Variants in USP47 observed in about 807,000 individuals in gnomAD.
USP47 encodes ubiquitin carboxyl-terminal hydrolase 47.
A neutral mutation model predicts 165.1 loss-of-function variants in USP47; 35 were observed. The observed-to-expected ratio is 0.21, with a 90% confidence interval of 0.16 to 0.28. The LOEUF is 0.28. Ranked by LOEUF, USP47 falls within the 10% of genes least tolerant of loss-of-function variation. USP47 has a pLI of 1.00. For missense variants in USP47, 1,277 were observed against 1,607.4 expected, an observed-to-expected ratio of 0.79 and a Z score of 3.52; for synonymous variants, 531 against 544.5, an observed-to-expected ratio of 0.98 and a Z score of 0.35.
chr11:11,950,304 C>T, intron 23 of USP47, 60 bp from the exon 24 acceptor site: 1 of 1,187,324 alleles, frequency 8.4e-7, no homozygotes, highest in Non-Finnish European at 1.2e-6. Context: ...AGATTAGTGT[C>T]AATCTTTAAA....
rs778577084 is a variant in USP47, at chr11:11,902,811, A to G, written c.690A>G (p.Ala230=). ...TGTTACAAACCAGCAAAAAGAGAGC[A>G]ATTGAAACCACAGATGTTACAAGGA... is the stretch of plus-strand genomic sequence containing the variant. ...FVLLQTSKKR[A]IETTDVTRSF... Residue 230 remains alanine (A), a synonymous_variant, in exon 6 of 28, where the codon GCA becomes GCG. Coordinates refer to ENST00000527733, the MANE Select transcript of USP47 (RefSeq NM_001282659.2). 13 of 1,603,780 alleles carry G rather than the reference A, an allele frequency of 8.1e-6. No individual in the cohort carries two copies. The highest frequency in any genetic ancestry group is 3.4e-5 in the Admixed American group (2 of 59,288).
At chr11:11,911,947 C>T (rs1853026742) in intron 8 of USP47, among the ~76,000 whole-genome samples, 1 of 151,778 alleles carries the variant, frequency 6.6e-6, no homozygotes, top group Admixed American at 6.6e-5. Flanking sequence ...TATCACAAAA[C>T]ACTTGGGAAA....
At chr11:11,921,699 A>G (rs1031266960) in intron 10 of USP47, among the ~76,000 whole-genome samples, 2 of 151,894 alleles carry the variant, frequency 1.3e-5, no homozygotes, top group African/African-American at 2.4e-5. Context: ...TATGCCTAAT[A>G]TATTTCTCAT....
chr11:11,868,035 G>A (rs1259953444), intron 1 of USP47, among the ~76,000 whole-genome samples: 1 of 152,114 alleles, frequency 6.6e-6, no homozygotes, highest in East Asian at 1.9e-4. Flanking sequence ...GGAAGGAGAG[G>A]TTGAAAAATA....
At chr11:11,873,747 C>A in intron 1 of USP47, 1 of 1,098,424 alleles carries the variant, frequency 9.1e-7, no homozygotes, top group Non-Finnish European at 1.2e-6. Flanking sequence ...ACTGTCTTTT[C>A]CCTTTATTTT....
At chr11:11,889,141 A>G (rs1851354086) in intron 3 of USP47, among the ~76,000 whole-genome samples, 1 of 152,188 alleles carries the variant, frequency 6.6e-6, no homozygotes, top group Admixed American at 6.5e-5. Flanking sequence ...AAACTGGCAC[A>G]AAATGAGAAT....
intron 1 of USP47, among the ~76,000 whole-genome samples, chr11:11,872,511 G>T (rs1043620862): frequency 1.3e-5 from 2 of 152,180 alleles, no homozygotes; most frequent in African/African-American, 4.8e-5. Flanking sequence ...CCCCACAGCA[G>T]TGATACTTGA....
At chr11:11,893,469 C>T (rs1186671063) in intron 4 of USP47, among the ~76,000 whole-genome samples, 1 of 152,102 alleles carries the variant, frequency 6.6e-6, no homozygotes, top group Non-Finnish European at 1.5e-5. Flanking sequence ...TAGAGTCTTG[C>T]TTTGTCACCC....
intron 3 of USP47, 136 bp downstream of exon 3, chr11:11,884,716 G>T: frequency 1.6e-6 from 1 of 629,558 alleles, no homozygotes. Flanking sequence ...TTTTATGTTG[G>T]TTTGTTATAA....
chr11:11,884,396 A>C (rs1194185474), intron 2 of USP47, 71 bp from the exon 3 acceptor site: 2 of 1,066,416 alleles, frequency 1.9e-6, no homozygotes, highest in Non-Finnish European at 2.7e-6. Context: ...TTAAATGTAG[A>C]TATGTATCTA....
At chr11:11,873,937 CA>C in intron 1 of USP47, 1 of 802,336 alleles carries the variant, frequency 1.2e-6, no homozygotes, top group South Asian at 2.9e-5. Context: ...TATTTAATAT[CA>C]AGGCATGTCT....
intron 2 of USP47, among the ~76,000 whole-genome samples, chr11:11,882,716 C>T (rs1487033791): frequency 3.9e-5 from 6 of 152,122 alleles, no homozygotes; most frequent in Non-Finnish European, 7.4e-5. Context: ...CCTCCTATGC[C>T]CTTTGGCTGC....
chr11:11,940,565 T>G lies in USP47; in HGVS notation c.2313+17T>G. 1 of 1,609,220 alleles carries G rather than the reference T, an allele frequency of 6.2e-7. No homozygotes were observed. Among genetic ancestry groups the G allele is most frequent in the South Asian group, 1.1e-5 (1 of 90,686 alleles). The stretch of plus-strand genomic sequence containing the variant: ...AGTAACAAGGTATGTCATTTACTTT[T>G]TCATTACTATTTTCTATGCTGGTAG... On this transcript the variant is annotated intron_variant, in intron 19 of 27. Transcript: ENST00000527733.
chr11:11,947,640 G>A (rs569594882), intron 20 of USP47, among the ~76,000 whole-genome samples: 4 of 152,324 alleles, frequency 2.6e-5, no homozygotes, highest in Admixed American at 2.6e-4. Context: ...CACTATTACT[G>A]TGTAGAGCTA....
intron 1 of USP47, among the ~76,000 whole-genome samples, chr11:11,868,780 A>G (rs1233189481): frequency 3.3e-5 from 5 of 151,984 alleles, no homozygotes; most frequent in Non-Finnish European, 5.9e-5. Flanking sequence ...CTACTTTGCC[A>G]GTATTTGATG....
chr11:11,850,157 C>A (rs1193845035), intron 1 of USP47, among the ~76,000 whole-genome samples: 2 of 152,000 alleles, frequency 1.3e-5, no homozygotes, highest in African/African-American at 4.8e-5. Flanking sequence ...CTCATAAATT[C>A]TGCAAATTTT....
At chr11:11,945,252 A>AT (rs979906815) in intron 20 of USP47, among the ~76,000 whole-genome samples, 5 of 152,194 alleles carry the variant, frequency 3.3e-5, no homozygotes, top group Admixed American at 6.5e-5. Flanking sequence ...GCTAAGACTG[A>AT]TTCATTGCAG....
chr11:11,921,537 T>C (rs1468406360), intron 10 of USP47, among the ~76,000 whole-genome samples: 1 of 151,878 alleles, frequency 6.6e-6, no homozygotes, highest in Non-Finnish European at 1.5e-5. Flanking sequence ...CTATGATCAA[T>C]AACATTTTGA....
chr11:11,883,976 A>G (rs988421678), intron 2 of USP47, among the ~76,000 whole-genome samples: 17 of 152,120 alleles, frequency 1.1e-4, no homozygotes, highest in African/African-American at 4.1e-4. Context: ...TTTTTGTTAC[A>G]TTACATAATT....
Sources: allele counts gnomAD v4.1 joint callset (sites outside exome capture counted in the v4.1 genomes callset), GRCh38; gene constraint gnomAD v4.1.1; transcripts MANE v1.5; gene names NCBI Gene and HGNC (gene_info 2026-07-23, HGNC 2026-07-21).